Variants in SPO11 observed in about 807,000 individuals in gnomAD.
SPO11 encodes meiotic recombination protein SPO11.
In SPO11, 49 loss-of-function variants were observed where a neutral mutation model predicts 51.6. That is an observed-to-expected ratio of 0.95 (90% CI 0.75 to 1.20). The LOEUF (loss-of-function observed/expected upper bound fraction) is 1.20. SPO11 is among the 50% of genes most tolerant of loss of function. SPO11 has a pLI of 0.00. For synonymous variants in SPO11, 176 were observed against 158.2 expected (o/e 1.11, Z -0.84); for missense variants, 431 against 473.4 (o/e 0.91, Z 0.83).
chr20:57,333,660 A>C, intron 3 of SPO11, 27 bp from the exon 4 acceptor site: 2 of 1,200,026 alleles, frequency 1.7e-6, no homozygotes, highest in Non-Finnish European at 2.5e-6. Context: ...ATGATGAGTA[A>C]CTTGTTTGTT....
chr20:57,342,738 AC>A lies in SPO11; in HGVS notation c.971del (p.Pro324LeufsTer5). 8 of 1,609,110 alleles carry A rather than the reference AC, an allele frequency of 5.0e-6. No homozygotes were observed. Among genetic ancestry groups the A allele is most frequent in the Non-Finnish European group, 6.8e-6 (8 of 1,176,376 alleles). On this transcript the variant is annotated frameshift_variant, in exon 12 of 13. Transcript: ENST00000371263. LOFTEE classifies it high-confidence loss of function. ...LPSDLKRLNV[P>X]KDSLIPLTKR... ...ACCTACTTTTTTCCAGATTAAATGT[AC>A]CTAAAGATAGTTTGATTCCACTGAC...
chr20:57,331,930 A>C lies in SPO11; in HGVS notation c.229A>C (p.Ser77Arg). 6.3e-7 allele frequency: 1 copy of C among 1,587,112 alleles called. No homozygotes were observed. The highest frequency in any genetic ancestry group is 8.6e-7 in the Non-Finnish European group (1 of 1,167,920). The change falls in exon 2 of 13, where the codon AGC (serine) becomes CGC (arginine). Residue 77 changes from serine to arginine, a missense_variant. Coordinates refer to ENST00000371263, the MANE Select transcript of SPO11 (RefSeq NM_012444.3). ...APAFTIDNRS[S>R]WENIKFEDSV... is the part of the protein sequence containing the mutation. ...TGCATTCACGATAGACAACAGATCA[A>C]GCTGGGAAAACATAAAGTGGGCATT...
intron 10 of SPO11, 54 bp downstream of exon 10, chr20:57,339,080 T>C (rs2066548705): frequency 1.6e-6 from 2 of 1,228,350 alleles, no homozygotes; most frequent in East Asian, 5.1e-5. Context: ...TTTATATTCA[T>C]TGAGGTGATT....
intron 2 of SPO11, 38 bp from the exon 3 acceptor site, chr20:57,333,150 T>C: frequency 6.6e-7 from 1 of 1,505,098 alleles, no homozygotes; most frequent in Non-Finnish European, 9.1e-7. Flanking sequence ...AGAAGTTGTC[T>C]TTTTCACTTT....
At chr20:57,334,564 T>C (rs532631556) in intron 5 of SPO11, among the ~76,000 whole-genome samples, 186 bp from the exon 6 acceptor site, 3 of 152,354 alleles carry the variant, frequency 2.0e-5, no homozygotes, top group South Asian at 4.1e-4. Flanking sequence ...TTTGGGTGAA[T>C]GGACCAAACT....
chr20:57,330,064 C>T, intron 1 of SPO11, 66 bp downstream of exon 1: 1 of 1,491,386 alleles, frequency 6.7e-7, no homozygotes, highest in Non-Finnish European at 8.9e-7. Context: ...TCTTCCTGGC[C>T]CCGGGCTGCC....
intron 11 of SPO11, among the ~76,000 whole-genome samples, chr20:57,341,432 T>C (rs2066580836): frequency 6.6e-6 from 1 of 152,228 alleles, no homozygotes; most frequent in Non-Finnish European, 1.5e-5. Flanking sequence ...GTCCCTCAGC[T>C]TATGGCATTA....
At chr20:57,337,907 G>C (rs2066532566) in intron 8 of SPO11, 1 of 530,730 alleles carries the variant, frequency 1.9e-6, no homozygotes, top group African/African-American at 2.0e-5. Flanking sequence ...ATGATTTTGA[G>C]GTGGAGTTTC....
At position 57,334,843 on chromosome 20, in the gene SPO11, A is replaced by G. The variant is rs1293855044; in HGVS notation, c.597+7A>G. ...TTGTACCTGTGGTGCAACGGTAAGA[A>G]GCATCATTGAAGTTTTCACAGCTTT... is the stretch of plus-strand genomic sequence containing the variant. On this transcript the variant is annotated splice_region_variant and intron_variant, in intron 6 of 12. Coordinates refer to ENST00000371263, the MANE Select transcript of SPO11 (RefSeq NM_012444.3). 6.2e-7 allele frequency: 1 copy of G among 1,612,256 alleles called. No homozygotes were observed. The highest frequency in any genetic ancestry group is 2.2e-5 in the East Asian group (1 of 44,804).
intron 2 of SPO11, 130 bp downstream of exon 2, chr20:57,332,076 G>C (rs372134631): frequency 1.2e-4 from 62 of 526,674 alleles, no homozygotes; most frequent in African/African-American, 1.1e-3. Context: ...GATTTAGGAA[G>C]TTTACGAAAT....
chr20:57,330,020 C>T (rs1355273951), intron 1 of SPO11, 22 bp downstream of exon 1: 3 of 1,558,250 alleles, frequency 1.9e-6, no homozygotes, highest in Non-Finnish European at 2.6e-6. Context: ...GGTGCCGAGG[C>T]GCGACGCAGC....
chr20:57,338,351 A>G lies in SPO11; in HGVS notation c.820A>G (p.Thr274Ala). The change falls in exon 9 of 13, where the codon ACT (threonine) becomes GCT (alanine). Residue 274 changes from threonine to alanine, a missense_variant. Transcript: ENST00000371263. Reference protein sequence around the residue: ...LWDTFHVPVFTLVDADPHGIE... With the variant: ...LWDTFHVPVFALVDADPHGIE... ...GGATACATTTCATGTTCCTGTTTTC[A>G]CTCTTGTAGATGCTGATCCACATGG... 6.2e-7 allele frequency: 1 copy of G among 1,612,860 alleles called. No individual in the cohort carries two copies. Among genetic ancestry groups the G allele is most frequent in the Non-Finnish European group, 8.5e-7 (1 of 1,179,046 alleles).
At chr20:57,342,967 G>T in intron 12 of SPO11, 127 bp downstream of exon 12, 1 of 688,854 alleles carries the variant, frequency 1.5e-6, no homozygotes. Flanking sequence ...CATAAGTGTT[G>T]TTTGGCAGTA....
intron 10 of SPO11, 70 bp from the exon 11 acceptor site, chr20:57,340,032 G>T: frequency 1.9e-6 from 2 of 1,052,792 alleles, no homozygotes; most frequent in South Asian, 2.6e-5. Flanking sequence ...TGAAAAATTT[G>T]ACTGAAAAAC....
rs2146105936 is a variant in SPO11, at chr20:57,343,392, T to C, written c.1123T>C (p.Phe375Leu). The change falls in exon 13 of 13, where the codon TTC becomes CTC. Residue 375 changes from phenylalanine to leucine, a missense_variant. Transcript: ENST00000371263. The part of the protein sequence containing the change: ...KMKAEIQALT[F>L]LSSDYLSRVY... ...GAAGGCAGAAATTCAAGCTTTGACT[T>C]TCCTATCATCAGATTATCTTTCCAG... The C allele has an allele frequency of 6.2e-7, 1 of 1,611,408 alleles. No homozygotes were observed. Among genetic ancestry groups the C allele is most frequent in the East Asian group, 2.2e-5 (1 of 44,628 alleles).
intron 2 of SPO11, among the ~76,000 whole-genome samples, chr20:57,332,204 G>T (rs1273260528): frequency 1.3e-5 from 2 of 152,168 alleles, no homozygotes; most frequent in Non-Finnish European, 2.9e-5. Flanking sequence ...CCAAATGCAT[G>T]TGATAAAGTC....
At position 57,335,891 on chromosome 20, in the gene SPO11, C is replaced by T. The variant is rs745513856; in HGVS notation, c.728C>T (p.Pro243Leu). Reference sequence around the variant, plus strand: ...GACAACTTTTGCAACAAATTGTCTCCTTGCATCATGATTACGGTATATTAT... The same window carrying T: ...GACAACTTTTGCAACAAATTGTCTCTTTGCATCATGATTACGGTATATTAT... ...LDDNFCNKLS[P>L]CIMITGKGVP... is the part of the protein sequence containing the mutation. The change falls in exon 8 of 13, where the codon CCT becomes CTT. Residue 243 changes from proline to leucine, a missense_variant. Around this residue, in one of 3 missense-constraint regions of SPO11, gnomAD observed 405 missense variants for 425.9 expected, o/e 0.95. Coordinates refer to ENST00000371263, the MANE Select transcript of SPO11 (RefSeq NM_012444.3). 1 of 1,604,920 alleles carries T rather than the reference C, an allele frequency of 6.2e-7. No homozygotes were observed. Among genetic ancestry groups the T allele is most frequent in the Non-Finnish European group, 8.5e-7 (1 of 1,172,172 alleles).
Position 57,329,814 on chromosome 20 carries a change from A to G in SPO11, c.-54A>G. ...CGGGAAAGGCACGCAGCCACGCCCC[A>G]AGGGCGCAGCCTAGGACAGGGGCTT... On this transcript the variant is annotated 5_prime_UTR_variant, in exon 1 of 13. Transcript: ENST00000371263. 2 of 1,551,542 alleles carry G rather than the reference A, an allele frequency of 1.3e-6. No homozygotes were observed. Among genetic ancestry groups the G allele is most frequent in the Non-Finnish European group, 1.7e-6 (2 of 1,148,892 alleles).
chr20:57,331,064 T>C (rs989982256), intron 1 of SPO11, among the ~76,000 whole-genome samples: 1 of 152,252 alleles, frequency 6.6e-6, no homozygotes, highest in Non-Finnish European at 1.5e-5. Flanking sequence ...TTGCCCGTTT[T>C]CTAGAGTGCA....
Sources: gnomAD v4.1 joint callset for allele counts (sites outside exome capture counted in the v4.1 genomes callset) on GRCh38, gnomAD v4.1.1 for gene constraint, gnomAD v4.1.1 regional missense constraint, MANE v1.5 for transcripts, NCBI Gene and HGNC (gene_info 2026-07-23, HGNC 2026-07-21) for gene names.